Variants in TNFSF4 observed in about 807,000 individuals in gnomAD.
The protein encoded by TNFSF4 is tumor necrosis factor ligand superfamily member 4.
Under a neutral mutation model 7.3 loss-of-function variants are expected in TNFSF4, and 4 were observed. That is an observed-to-expected ratio of 0.55 (90% CI 0.27 to 1.25). TNFSF4 has a LOEUF of 1.25. Among genes scored for constraint, TNFSF4 ranks in the 50% most tolerant of loss-of-function variants. The pLI is 0.12. For synonymous variants in TNFSF4, 76 were observed against 83.7 expected, an observed-to-expected ratio of 0.91 and a Z score of 0.50; for missense variants, 181 against 208.8, an observed-to-expected ratio of 0.87 and a Z score of 0.82.
the TNFSF4 span, among the ~76,000 whole-genome samples, chr1:173,392,983 C>G: frequency 5.9e-4 from 89 of 151,924 alleles, no homozygotes; most frequent in Non-Finnish European, 1.9e-4. Flanking sequence ...TAACCCAGAG[C>G]CTAAAGGGAA....
At chr1:173,316,501 C>T in the TNFSF4 span, among the ~76,000 whole-genome samples, 1 of 151,960 alleles carries the variant, frequency 6.6e-6, no homozygotes, top group Admixed American at 6.6e-5. Flanking sequence ...TAGAAGAAAA[C>T]TTGTGAAGTA....
the TNFSF4 span, among the ~76,000 whole-genome samples, chr1:173,299,138 A>G: frequency 6.6e-6 from 1 of 151,936 alleles, no homozygotes; most frequent in African/African-American, 2.4e-5. Flanking sequence ...ACTCAGTGCC[A>G]GATTCAACAG....
At chr1:173,291,714 C>T in the TNFSF4 span, among the ~76,000 whole-genome samples, 209 of 152,010 alleles carry the variant, frequency 1.4e-3, 1 homozygote, top group Middle Eastern at 0.017. Context: ...CAAAAGTTAA[C>T]TCTTTGAAAG....
chr1:173,214,998 G>A, the TNFSF4 span, among the ~76,000 whole-genome samples: 8 of 151,990 alleles, frequency 5.3e-5, no homozygotes, highest in Non-Finnish European at 8.8e-5. Context: ...TGCAACCCCC[G>A]ACCCCAAATT....
chr1:173,447,412 T>G, the TNFSF4 span, among the ~76,000 whole-genome samples: 1 of 152,090 alleles, frequency 6.6e-6, no homozygotes, highest in South Asian at 2.1e-4. Flanking sequence ...GGTTTCAGTA[T>G]AGGTTCATCA....
At chr1:173,216,722 T>C in the TNFSF4 span, among the ~76,000 whole-genome samples, 4,208 of 152,186 alleles carry the variant, frequency 0.028, 63 homozygotes, top group Admixed American at 0.055. Flanking sequence ...CAGAAGTCTT[T>C]GGGGTATGTC....
chr1:173,218,615 AT>A, the TNFSF4 span, among the ~76,000 whole-genome samples: 1 of 148,278 alleles, frequency 6.7e-6, no homozygotes, highest in Admixed American at 6.7e-5. Context: ...AAAAAAAAAA[AT>A]TCCCTACTTC....
chr1:173,266,758 T>C, the TNFSF4 span, among the ~76,000 whole-genome samples: 18 of 152,258 alleles, frequency 1.2e-4, no homozygotes, highest in South Asian at 3.7e-3. Context: ...AAATAATACA[T>C]ATCCAAAAAA....
chr1:173,269,763 G>A, the TNFSF4 span, among the ~76,000 whole-genome samples: 7,668 of 152,144 alleles, frequency 0.05, 237 homozygotes, highest in East Asian at 0.13. Context: ...ATATTTTCAG[G>A]CCATGGTTGA....
Position 173,202,689 on chromosome 1 carries a change from G to A in TNFSF4, c.153+4335C>T, listed in dbSNP as rs369771581. Among the ~76,000 whole-genome samples, 5 of 152,238 alleles carry A rather than the reference G, an allele frequency of 3.3e-5. No homozygotes were observed. The East Asian group carries it at 7.7e-4, about 24-fold the overall frequency. ...CCTTTGGCGTAGGAGAGAATGAAGC[G>A]TGTTCCTTTAGCATGATTCACAAGA... is the stretch of plus-strand genomic sequence containing the variant. On this transcript the variant is annotated intron_variant, in intron 1 of 2. Coordinates refer to ENST00000281834, the MANE Select transcript of TNFSF4 (RefSeq NM_003326.5).
chr1:173,208,964 G>A (rs1650289059), upstream of TNFSF4, among the ~76,000 whole-genome samples: 1 of 151,762 alleles, frequency 6.6e-6, no homozygotes, highest in Non-Finnish European at 1.5e-5. Flanking sequence ...TCAAAAGAAT[G>A]AAAAAAATAA....
the TNFSF4 span, chr1:173,442,074 G>A: frequency 6.6e-6 from 1 of 152,252 alleles, no homozygotes; most frequent in African/African-American, 2.4e-5. Flanking sequence ...CCAATGTTGT[G>A]CTGGTAATGT....
the TNFSF4 span, among the ~76,000 whole-genome samples, chr1:173,313,442 G>A: frequency 2.0e-5 from 3 of 151,828 alleles, no homozygotes; most frequent in South Asian, 2.1e-4. Flanking sequence ...TTGGAATATC[G>A]GATTTACAAA....
the TNFSF4 span, among the ~76,000 whole-genome samples, chr1:173,247,200 A>G: frequency 6.6e-6 from 1 of 152,208 alleles, no homozygotes; most frequent in South Asian, 2.1e-4. Context: ...CTCTGGAGGT[A>G]AGGAGTTCCC....
the TNFSF4 span, among the ~76,000 whole-genome samples, chr1:173,348,329 T>A: frequency 6.6e-6 from 1 of 152,192 alleles, no homozygotes; most frequent in African/African-American, 2.4e-5. Context: ...CACTCTCTCC[T>A]CTTGTCTGCC....
intron 2 of TNFSF4, among the ~76,000 whole-genome samples, chr1:173,187,990 T>C (rs1038709341): frequency 1.8e-4 from 27 of 152,178 alleles, no homozygotes; most frequent in African/African-American, 6.5e-4. Flanking sequence ...TTCCCTTCCC[T>C]CAGGCTCAGG....
chr1:173,216,396 C>CT, the TNFSF4 span, among the ~76,000 whole-genome samples: 1 of 152,156 alleles, frequency 6.6e-6, no homozygotes, highest in African/African-American at 2.4e-5. Context: ...TCAAGAGAAT[C>CT]TTTTTTTCTG....
chr1:173,179,432 A>T (rs112962444), downstream of TNFSF4, among the ~76,000 whole-genome samples: 12 of 152,276 alleles, frequency 7.9e-5, no homozygotes, highest in African/African-American at 2.9e-4. Context: ...AATTCTGGGG[A>T]CTATACTTCT....
chr1:173,229,245 A>C, the TNFSF4 span, among the ~76,000 whole-genome samples: 4 of 152,236 alleles, frequency 2.6e-5, no homozygotes, highest in Admixed American at 2.6e-4. Context: ...CAGCAGAAAC[A>C]ATACAAGCCA....
Sources: gnomAD v4.1 joint callset for allele counts (sites outside exome capture counted in the v4.1 genomes callset) on GRCh38, gnomAD v4.1.1 for gene constraint, MANE v1.5 for transcripts, NCBI Gene and HGNC (gene_info 2026-07-23, HGNC 2026-07-21) for gene names.